Variants in C21orf91 observed in about 807,000 individuals in gnomAD.
The protein encoded by C21orf91 is chromosome 21 open reading frame 91, also known as protein EURL homolog.
C21orf91 carries 26 observed loss-of-function variants against 32.9 expected under a neutral mutation model. The ratio of observed to expected loss-of-function variants is 0.79; its 90% CI spans 0.58 to 1.10. C21orf91 has a LOEUF of 1.10. C21orf91 is among the 50% of genes least tolerant of loss of function. C21orf91 has a pLI of 0.00. For synonymous variants in C21orf91, 126 were observed against 120.4 expected, an observed-to-expected ratio of 1.05 and a Z score of -0.31; for missense variants, 310 against 341.3, an observed-to-expected ratio of 0.91 and a Z score of 0.72.
intron 2 of C21orf91, among the ~76,000 whole-genome samples, chr21:17,801,363 C>G (rs555096788): frequency 6.6e-6 from 1 of 151,910 alleles, no homozygotes; most frequent in East Asian, 1.9e-4. Flanking sequence ...CTCCGCCTCC[C>G]AGGTTCATGT....
chr21:17,819,161 G>A (rs940058040), intron 1 of C21orf91, 142 bp downstream of exon 1: 2 of 152,238 alleles, frequency 1.3e-5, no homozygotes, highest in African/African-American at 4.8e-5. Context: ...ACCCAAGTCC[G>A]TCTTTCCGTC....
intron 2 of C21orf91, chr21:17,810,895 T>C (rs924900497): frequency 1.3e-5 from 2 of 152,248 alleles, no homozygotes; most frequent in East Asian, 1.9e-4. Context: ...TATATGGAAA[T>C]TGCATCACCC....
At chr21:17,811,875 T>G (rs1309224927) in intron 2 of C21orf91, among the ~76,000 whole-genome samples, 1 of 152,140 alleles carries the variant, frequency 6.6e-6, no homozygotes, top group Non-Finnish European at 1.5e-5. Flanking sequence ...AATCACTGAT[T>G]TAAAAGAACA....
intron 2 of C21orf91, among the ~76,000 whole-genome samples, chr21:17,814,701 C>T (rs2062654227): frequency 6.6e-6 from 1 of 152,138 alleles, no homozygotes; most frequent in Admixed American, 6.5e-5. Context: ...TGATAACTCA[C>T]TCACTGACTA....
chr21:17,817,119 T>C (rs1164203451), intron 2 of C21orf91, among the ~76,000 whole-genome samples: 1 of 152,222 alleles, frequency 6.6e-6, no homozygotes, highest in East Asian at 1.9e-4. Context: ...GTTCCTGTTA[T>C]GTCATCTTTT....
chr21:17,796,977 A>C lies in C21orf91; in HGVS notation c.269T>G (p.Leu90Trp). Residue 90 changes from leucine (L) to tryptophan (W), a missense_variant, in exon 3 of 5, where the codon TTG becomes TGG. Transcript: ENST00000284881. ...KSTYEEVKTI[L>W]SKKINWIVQY... Reference sequence around the variant, plus strand: ...CACAATCCAGTTTATCTTCTTACTCAAAATGGTTTTAACTTCTTCATAAGT... The same window carrying C: ...CACAATCCAGTTTATCTTCTTACTCCAAATGGTTTTAACTTCTTCATAAGT... 2 of 1,613,854 alleles carry C rather than the reference A, an allele frequency of 1.2e-6. No homozygotes were observed.
chr21:17,817,981 G>A (rs2062675722), intron 2 of C21orf91: 1 of 379,542 alleles, frequency 2.6e-6, no homozygotes, highest in Non-Finnish European at 4.7e-6. Context: ...GGTTGTTGCA[G>A]GGGTCTTTAA....
At chr21:17,802,794 T>C (rs555796776) in intron 2 of C21orf91, among the ~76,000 whole-genome samples, 248 of 152,354 alleles carry the variant, frequency 1.6e-3, no homozygotes, top group Non-Finnish European at 2.8e-3. Context: ...GCCTTTATAC[T>C]TCACACATTC....
At position 17,791,339 on chromosome 21, in the gene C21orf91, T is replaced by G. The variant is rs763901623; in HGVS notation, c.*2076A>C. On this transcript the variant is annotated 3_prime_UTR_variant, in exon 5 of 5. Transcript: ENST00000284881. ...TAAATGGAATAAATCAGAGTCCCAC[T>G]TAAGACCTTAGCACATGCACACGTT... 3 of 152,162 alleles carry G rather than the reference T, an allele frequency of 2.0e-5. No homozygotes were observed. The highest frequency in any genetic ancestry group is 2.9e-5 in the Non-Finnish European group (2 of 67,964). 9.4% of individuals were successfully genotyped at this position (152,162 alleles called of 1,614,324 possible).
chr21:17,818,460 C>T lies in C21orf91; in HGVS notation c.-7-135G>A, dbSNP rs182435759. On this transcript the variant is annotated intron_variant, in intron 1 of 4. Coordinates refer to ENST00000284881, the MANE Select transcript of C21orf91 (RefSeq NM_001100420.2). ...AGCAAAAGCTCCATCAAACAAGCAT[C>T]GCCATACTTGCACTCCAACATTGCA... 1.0e-3 allele frequency: 694 copies of T among 692,114 alleles called. 3 individuals are homozygous for T. The highest frequency in any genetic ancestry group is 1.1e-3 in the Non-Finnish European group (430 of 407,790). 42.9% of individuals were successfully genotyped at this position (692,114 alleles called of 1,614,324 possible). A position where few individuals can be genotyped will look rare whatever the true frequency, so the allele number is the denominator to read the frequency against.
chr21:17,791,152 A>C lies in C21orf91; in HGVS notation c.*2263T>G, dbSNP rs2062470733. 1 of 152,148 alleles carries C rather than the reference A, an allele frequency of 6.6e-6. No individual in the cohort carries two copies. Among genetic ancestry groups the C allele is most frequent in the African/African-American group, 2.4e-5 (1 of 41,460 alleles). The allele number at this position is 152,148 out of a possible 1,614,324, so 9.4% of individuals were successfully genotyped here. ...TGATTAAGAAAACTAACATAGGACT[A>C]AATTATAAGTTTACCAAACATTTGG... On this transcript the variant is annotated 3_prime_UTR_variant, in exon 5 of 5. Coordinates refer to ENST00000284881, the MANE Select transcript of C21orf91 (RefSeq NM_001100420.2).
At chr21:17,795,462 T>C (rs1031894644) in intron 3 of C21orf91, among the ~76,000 whole-genome samples, 192 bp from the exon 4 acceptor site, 8 of 152,140 alleles carry the variant, frequency 5.3e-5, no homozygotes, top group African/African-American at 1.9e-4. Context: ...CCACAACCCA[T>C]GGTAAGAAAA....
chr21:17,798,761 C>T (rs950258724), intron 2 of C21orf91, among the ~76,000 whole-genome samples: 2 of 152,128 alleles, frequency 1.3e-5, no homozygotes, highest in Admixed American at 1.3e-4. Flanking sequence ...AGGAAGCTCA[C>T]GAGCTCTGCT....
rs1458209092 is a variant in C21orf91, at chr21:17,793,259, A to T, written c.*156T>A. 2.0e-6 allele frequency: 1 copy of T among 503,962 alleles called. No individual in the cohort carries two copies. Among genetic ancestry groups the T allele is most frequent in the East Asian group, 3.0e-5 (1 of 33,316 alleles). The allele number at this position is 503,962 out of a possible 1,614,324, so 31.2% of individuals were successfully genotyped here. On this transcript the variant is annotated 3_prime_UTR_variant, in exon 5 of 5. Transcript: ENST00000284881. ...AGCCCTAGAAGACTAGAGTATAATG[A>T]TCTGCTTTATTTGACAAAGATGTTA...
In C21orf91 at chr21:17,793,449, G is replaced by A. The variant is rs1348993580; in HGVS notation, c.860C>T (p.Thr287Ile). 6.2e-7 allele frequency: 1 copy of A among 1,612,656 alleles called. No individual in the cohort carries two copies. ...TATGGGTAGGTGCGACTTCATTCCT[G>A]TTCGCCCTACTTGCAGACATGGTAA... ...SKLPCLQVGR[T>I]GMKSHLPINN is the part of the protein sequence containing the mutation. The change falls in exon 5 of 5, where the codon ACA becomes ATA. Residue 287 changes from threonine to isoleucine, a missense_variant. Coordinates refer to ENST00000284881, the MANE Select transcript of C21orf91 (RefSeq NM_001100420.2).
In C21orf91 at chr21:17,797,024, A is replaced by C. The variant is rs773748068; in HGVS notation, c.222T>G (p.Pro74=). The C allele has an allele frequency of 1.9e-6, 3 of 1,612,802 alleles. No homozygotes were observed. The Admixed American group carries it at 5.0e-5, about 27-fold the overall frequency. The change falls in exon 3 of 5, where the codon CCT becomes CCG. Residue 74 remains proline (P), a synonymous_variant. Coordinates refer to ENST00000284881, the MANE Select transcript of C21orf91 (RefSeq NM_001100420.2). ...AAGTACTTTTTGAAAGCTTAGATCG[A>C]GGACAACCCTGGTTTGCAATTAAAT... The part of the protein sequence containing the change: ...KYHLIANQGC[P]RSKLSKSTYE...
rs1452964128 is a variant in C21orf91 at position 17,801,080 on chromosome 21, A to G, written c.128-3962T>C. Among the ~76,000 whole-genome samples, 5 of 152,162 alleles carry G rather than the reference A, an allele frequency of 3.3e-5. No individual in the cohort carries two copies. The South Asian group carries it at 8.3e-4, about 25-fold the overall frequency. On this transcript the variant is annotated intron_variant, in intron 2 of 4. Transcript: ENST00000284881. ...TACCCAAAGGATTAAAAATCATTCT[A>G]CTATAAAGACACATGCATATGTATG...
At chr21:17,795,638 A>G (rs1183737745) in intron 3 of C21orf91, among the ~76,000 whole-genome samples, 4 of 151,872 alleles carry the variant, frequency 2.6e-5, no homozygotes, top group Non-Finnish European at 5.9e-5. Context: ...CACCACACCT[A>G]ATTTTTTTAT....
At chr21:17,800,757 C>T (rs2062553613) in intron 2 of C21orf91, among the ~76,000 whole-genome samples, 1 of 152,142 alleles carries the variant, frequency 6.6e-6, no homozygotes, top group Non-Finnish European at 1.5e-5. Context: ...TAATTGACTT[C>T]CTATTATAAA....
Sources: gnomAD v4.1 joint callset for allele counts (sites outside exome capture counted in the v4.1 genomes callset) on GRCh38, gnomAD v4.1.1 for gene constraint, MANE v1.5 for transcripts, NCBI Gene and HGNC (gene_info 2026-07-23, HGNC 2026-07-21) for gene names.